Variants in IFT140 observed in about 807,000 individuals in gnomAD.
IFT140 encodes the protein intraflagellar transport 140.
A neutral mutation model predicts 164.6 loss-of-function variants in IFT140; 133 were observed. The observed-to-expected ratio is 0.81, with a 90% CI of 0.70 to 0.93. IFT140 has a LOEUF of 0.93. Ranked by LOEUF, IFT140 falls within the 40% of genes least tolerant of loss-of-function variation. The pLI, the probability that IFT140 is intolerant of heterozygous loss-of-function variation, is 0.00. For missense variants in IFT140, 2,045 were observed against 1,972.3 expected (o/e 1.04, Z -0.70); for synonymous variants, 860 against 817.3 (o/e 1.05, Z -0.89).
intron 18 of IFT140, 49 bp from the exon 19 acceptor site, chr16:1,558,183 A>C (rs758052061): frequency 1.9e-6 from 3 of 1,585,874 alleles, no homozygotes; most frequent in Non-Finnish European, 2.6e-6. Flanking sequence ...GTAAAGCTGA[A>C]GCCCTCACCC....
intron 30 of IFT140, among the ~76,000 whole-genome samples, chr16:1,516,504 TCACGCCTGTAATCC>T (rs1226492887): frequency 1.3e-5 from 2 of 152,018 alleles, no homozygotes; most frequent in Non-Finnish European, 2.9e-5. Flanking sequence ...GTGCGGTGGC[TCACGCCTGTAATCC>T]CAGCACTTTG....
chr16:1,593,246 C>T (rs4786363), intron 4 of IFT140, among the ~76,000 whole-genome samples: 6,485 of 152,234 alleles, frequency 0.043, 250 homozygotes, highest in Admixed American at 0.078. Flanking sequence ...GGAAACTCTT[C>T]TACAGAGCGT....
At chr16:1,545,404 T>C (rs1379193106) in intron 19 of IFT140, among the ~76,000 whole-genome samples, 1 of 152,200 alleles carries the variant, frequency 6.6e-6, no homozygotes, top group African/African-American at 2.4e-5. Context: ...GGGTCTGTTT[T>C]GCCCAAAAAG....
chr16:1,560,889 ACT>A (rs1448766292), intron 18 of IFT140, among the ~76,000 whole-genome samples: 2 of 152,134 alleles, frequency 1.3e-5, no homozygotes, highest in African/African-American at 2.4e-5. Flanking sequence ...GGCAGAGAAG[ACT>A]CTGTGCGTGT....
intron 19 of IFT140, chr16:1,534,298 C>G (rs771804583): frequency 6.2e-7 from 1 of 1,612,396 alleles, no homozygotes; most frequent in Non-Finnish European, 8.5e-7. Context: ...AGACTCGTGG[C>G]CGCGGCCGTG....
intron 30 of IFT140, among the ~76,000 whole-genome samples, chr16:1,517,806 A>G (rs1174769792): frequency 1.3e-5 from 2 of 152,188 alleles, no homozygotes; most frequent in Non-Finnish European, 2.9e-5. Flanking sequence ...ACAGCCAGTA[A>G]CAGCGTGAGA....
chr16:1,510,574 T>G lies in IFT140; in HGVS notation c.*370A>C. The G allele has an allele frequency of 8.7e-6, 3 of 345,780 alleles. No homozygotes were observed. The highest frequency in any genetic ancestry group is 2.8e-5 in the South Asian group (1 of 36,322). 21.4% of individuals were successfully genotyped at this position (345,780 alleles called of 1,614,324 possible). On this transcript the variant is annotated 3_prime_UTR_variant, in exon 31 of 31. Coordinates refer to ENST00000426508, the MANE Select transcript of IFT140 (RefSeq NM_014714.4). Reference sequence around the variant, plus strand: ...CTGCAGGAGTATGGGGAGGATATGATGTGTGGGGAGCAGGGGGGCAGGTGC... The same window carrying G: ...CTGCAGGAGTATGGGGAGGATATGAGGTGTGGGGAGCAGGGGGGCAGGTGC...
At chr16:1,554,943 C>T in intron 19 of IFT140, 1 of 1,614,168 alleles carries the variant, frequency 6.2e-7, no homozygotes, top group Admixed American at 1.7e-5. Flanking sequence ...CTGCATGGCC[C>T]CCCGGGTGAT....
chr16:1,580,032 C>T (rs2034476064), intron 13 of IFT140, among the ~76,000 whole-genome samples: 1 of 151,644 alleles, frequency 6.6e-6, no homozygotes, highest in African/African-American at 2.4e-5. Flanking sequence ...ATGCGGGAGA[C>T]AGCCTGGCTA....
Position 1,572,259 on chromosome 16 carries a change from T to C in IFT140, c.1525-725A>G, listed in dbSNP as rs79557561. 1.7e-3 allele frequency among the ~76,000 whole-genome samples: 262 copies of C among 152,256 alleles called. 7 individuals are homozygous for C. In the East Asian group the frequency reaches 0.047, roughly 27 times the overall value. ...ACTGGAAGACTGCAGGGTTTTGAGC[T>C]GGGAAGTGATTTCGCATCATTTATA... On this transcript the variant is annotated intron_variant, in intron 13 of 30. Transcript: ENST00000426508.
chr16:1,606,217 G>T (rs969287302), intron 3 of IFT140, among the ~76,000 whole-genome samples: 4 of 152,332 alleles, frequency 2.6e-5, no homozygotes, highest in Admixed American at 2.0e-4. Flanking sequence ...GTTCCAAATG[G>T]CCCCTATGGA....
chr16:1,587,882 C>G (rs755401693), intron 8 of IFT140, 51 bp downstream of exon 8: 3 of 1,413,366 alleles, frequency 2.1e-6, no homozygotes, highest in South Asian at 2.4e-5. Context: ...TTAGAGGAGC[C>G]TGTTCCTCAG....
chr16:1,592,043 C>A (rs931994992), intron 6 of IFT140, 133 bp downstream of exon 6: 14 of 977,720 alleles, frequency 1.4e-5, no homozygotes, highest in African/African-American at 1.3e-4. Flanking sequence ...GCCTGGCACA[C>A]GTCATCTTTC....
chr16:1,600,277 C>G (rs1472094797), intron 4 of IFT140, among the ~76,000 whole-genome samples: 3 of 144,562 alleles, frequency 2.1e-5, no homozygotes, highest in Non-Finnish European at 4.5e-5. Flanking sequence ...GAGTCATCAC[C>G]AATCCCTAAT....
At position 1,524,735 on chromosome 16, in the gene IFT140, TTG is replaced by T. The variant is rs777513393; in HGVS notation, c.2998-42_2998-41del. 6.9e-6 allele frequency: 11 copies of T among 1,583,814 alleles called. No homozygotes were observed. The African/African-American group carries it at 1.1e-4, about 15-fold the overall frequency. On this transcript the variant is annotated intron_variant, in intron 23 of 30. Transcript: ENST00000426508. ...AACCCAAAGACGAGACACGGTGGCCTTGTGTCTGCCTCGTGTCCGCCTGGCCG... is the reference window on the plus strand; with the variant it reads ...AACCCAAAGACGAGACACGGTGGCCTTGTCTGCCTCGTGTCCGCCTGGCCG...
At chr16:1,547,898 C>T (rs1312358550) in intron 19 of IFT140, among the ~76,000 whole-genome samples, 3 of 152,120 alleles carry the variant, frequency 2.0e-5, no homozygotes, top group Non-Finnish European at 4.4e-5. Flanking sequence ...GCTGGTCTCA[C>T]ACTCCTGGGC....
At position 1,511,025 on chromosome 16, in the gene IFT140, G is replaced by C; in HGVS notation, c.4308C>G (p.Pro1436=). The C allele has an allele frequency of 6.2e-7, 1 of 1,606,168 alleles. No individual in the cohort carries two copies. ...GLGLPLPRTV[P]EQVRHNSMED... ...CCATGCTGTTGTGGCGGACCTGCTCGGGGACGGTGCGTGGCAGTGGGAGAC... is the reference window on the plus strand; with the variant it reads ...CCATGCTGTTGTGGCGGACCTGCTCCGGGACGGTGCGTGGCAGTGGGAGAC... The change falls in exon 31 of 31, where the codon CCC becomes CCG. Residue 1436 remains proline, a synonymous_variant. Coordinates refer to ENST00000426508, the MANE Select transcript of IFT140 (RefSeq NM_014714.4).
chr16:1,604,970 TAC>T (rs1262142107), intron 3 of IFT140, among the ~76,000 whole-genome samples: 1 of 152,006 alleles, frequency 6.6e-6, no homozygotes, highest in Non-Finnish European at 1.5e-5. Context: ...TTCAGTTTTG[TAC>T]AGTCTGAGGT....
intron 19 of IFT140, among the ~76,000 whole-genome samples, chr16:1,540,074 C>A (rs1000802591): frequency 2.8e-4 from 42 of 152,244 alleles, no homozygotes; most frequent in African/African-American, 9.4e-4. Context: ...GGCGGGGGGA[C>A]CCTCAGTGGC....
Sources: allele counts gnomAD v4.1 joint callset (sites outside exome capture counted in the v4.1 genomes callset), GRCh38; gene constraint gnomAD v4.1.1; transcripts MANE v1.5; gene names NCBI Gene and HGNC (gene_info 2026-07-23, HGNC 2026-07-21).